The following ZFHX3 variants were observed in gnomAD, a reference collection of about 807,000 sequenced individuals.
ZFHX3 encodes the protein zinc finger homeobox 3.
In ZFHX3, 42 loss-of-function variants were observed where a neutral mutation model predicts 279.1. The observed-to-expected ratio is 0.15, with a 90% CI of 0.12 to 0.19. The LOEUF is 0.19. Among genes scored for constraint, ZFHX3 ranks in the 10% least tolerant of loss-of-function variants. The pLI is 1.00. For missense variants in ZFHX3, 4,981 were observed against 4,754.0 expected, an observed-to-expected ratio of 1.05 and a Z score of -1.40; for synonymous variants, 2,293 against 1,957.8, an observed-to-expected ratio of 1.17 and a Z score of -4.52.
At chr16:73,531,272 C>A (rs947317206) in intron 2 of ZFHX3, among the ~76,000 whole-genome samples, 1 of 152,214 alleles carries the variant, frequency 6.6e-6, no homozygotes, top group African/African-American at 2.4e-5. Flanking sequence ...TCTCTTCTAA[C>A]CTTTCAGGTC....
At chr16:73,234,806 G>A (rs941715025) in intron 5 of ZFHX3, among the ~76,000 whole-genome samples, 2 of 152,216 alleles carry the variant, frequency 1.3e-5, no homozygotes, top group African/African-American at 4.8e-5. Flanking sequence ...GGTAGGAAGT[G>A]TCTTCTGGAC....
In ZFHX3 at chr16:72,945,406, C is replaced by G. The variant is rs1462373172; in HGVS notation, c.3216+5063G>C. Among the ~76,000 whole-genome samples, 3 of 152,164 alleles carry G rather than the reference C, an allele frequency of 2.0e-5. No homozygotes were observed. In the East Asian group the frequency reaches 5.8e-4, roughly 29 times the overall value. ...GCCCAGGCTCTCAGTAAGAACCCAT[C>G]AGGCCCACGTGCAGCCTCCCAGCCC... On this transcript the variant is annotated intron_variant, in intron 3 of 9. Transcript: ENST00000268489.
intron 1 of ZFHX3, among the ~76,000 whole-genome samples, chr16:73,875,732 G>T (rs1057424401): frequency 1.3e-5 from 2 of 152,094 alleles, no homozygotes; most frequent in African/African-American, 4.8e-5. Flanking sequence ...AATAACAAAA[G>T]CATGATGAAC....
At chr16:73,642,424 T>C (rs562275303) in intron 2 of ZFHX3, among the ~76,000 whole-genome samples, 2 of 152,320 alleles carry the variant, frequency 1.3e-5, no homozygotes, top group East Asian at 3.9e-4. Flanking sequence ...CTCAGTGACC[T>C]CCATGGGGAA....
chr16:73,503,887 T>A (rs1436209604), intron 2 of ZFHX3, among the ~76,000 whole-genome samples: 2 of 152,296 alleles, frequency 1.3e-5, no homozygotes, highest in East Asian at 3.9e-4. Flanking sequence ...AGGTTTGTGC[T>A]CCTCTGAGGA....
intron 3 of ZFHX3, among the ~76,000 whole-genome samples, 170 bp downstream of exon 3, chr16:72,950,299 G>A (rs905280934): frequency 9.2e-5 from 14 of 152,044 alleles, no homozygotes; most frequent in Non-Finnish European, 1.6e-4. Context: ...GTTTCCACCT[G>A]GTGACAAAGT....
intron 2 of ZFHX3, among the ~76,000 whole-genome samples, chr16:72,955,368 G>A (rs925360424): frequency 2.6e-5 from 4 of 152,156 alleles, no homozygotes; most frequent in South Asian, 2.1e-4. Context: ...TGAATCTGCC[G>A]CAATGCCCAG....
chr16:73,684,695 C>CTTTTTTTTTTTTTTTTTTTTTTTTTT (rs201167110), intron 1 of ZFHX3, among the ~76,000 whole-genome samples: 1 of 137,498 alleles, frequency 7.3e-6, no homozygotes. Flanking sequence ...CACAAGGGTC[C>CTTTTTTTTTTTTTTTTTTTTTTTTTT]TTTTTTTTTT....
In ZFHX3 at chr16:72,793,109, G is replaced by A. The variant is rs942208813; in HGVS notation, c.9427+146C>T. 14 of 1,421,174 alleles carry A rather than the reference G, an allele frequency of 9.9e-6. No individual in the cohort carries two copies. The highest frequency in any genetic ancestry group is 5.7e-5 in the African/African-American group (4 of 69,920). The allele number at this position is 1,421,174 out of a possible 1,614,324, so 88.0% of individuals were successfully genotyped here. A position where few individuals can be genotyped will look rare whatever the true frequency, so the allele number is the denominator to read the frequency against. The stretch of plus-strand genomic sequence containing the variant: ...AGTACTTGGGAGACTCAACAGGAAC[G>A]AACTGAAGTCTTGTTGCTTTTAAAG... On this transcript the variant is annotated intron_variant, in intron 9 of 9. Transcript: ENST00000268489. The surrounding 1 kb of genome is among the most constrained non-coding windows in gnomAD (Gnocchi z 4.3).
intron 3 of ZFHX3, among the ~76,000 whole-genome samples, chr16:73,434,860 C>T (rs762607136): frequency 3.3e-5 from 5 of 152,166 alleles, no homozygotes; most frequent in Non-Finnish European, 5.9e-5. Context: ...TGACGCCGTC[C>T]AGTCAGTGGC....
chr16:72,956,826 A>C (rs1961270866), intron 2 of ZFHX3, among the ~76,000 whole-genome samples: 1 of 81,946 alleles, frequency 1.2e-5, no homozygotes, highest in Non-Finnish European at 2.5e-5. Flanking sequence ...CTCATCAAAA[A>C]TAAGCAAAAA....
intron 1 of ZFHX3, among the ~76,000 whole-genome samples, chr16:73,868,772 TTTC>T (rs2142398368): frequency 6.6e-6 from 1 of 151,090 alleles, no homozygotes; most frequent in South Asian, 2.1e-4. Context: ...TCTTTCTTTC[TTTC>T]TTTCTTTCTT....
At chr16:72,918,936 T>C (rs2039514290) in intron 3 of ZFHX3, among the ~76,000 whole-genome samples, 1 of 152,132 alleles carries the variant, frequency 6.6e-6, no homozygotes, top group Non-Finnish European at 1.5e-5. Flanking sequence ...GACCTCATGA[T>C]CTTCCTGCCT....
chr16:72,878,044 G>C (rs1191289465), intron 4 of ZFHX3, among the ~76,000 whole-genome samples: 1 of 151,820 alleles, frequency 6.6e-6, no homozygotes, highest in African/African-American at 2.4e-5. Context: ...GAAAAAACTA[G>C]CCAGGTGTGG....
At chr16:72,828,491 C>A (rs2143713545) in intron 5 of ZFHX3, among the ~76,000 whole-genome samples, 1 of 152,324 alleles carries the variant, frequency 6.6e-6, no homozygotes, top group Middle Eastern at 3.4e-3. Context: ...CACTTCCTGT[C>A]TTGGCTTCTT....
chr16:73,156,028 C>T (rs1426180640), intron 5 of ZFHX3, among the ~76,000 whole-genome samples: 3 of 151,408 alleles, frequency 2.0e-5, no homozygotes, highest in African/African-American at 2.4e-5. Context: ...GTCAGGAGAT[C>T]GAGATCATCC....
chr16:73,516,663 T>A (rs2019527683), intron 2 of ZFHX3, among the ~76,000 whole-genome samples: 1 of 152,140 alleles, frequency 6.6e-6, no homozygotes, highest in Non-Finnish European at 1.5e-5. Context: ...CATCCCTTTC[T>A]CCTCTAATCA....
At chr16:72,983,940 A>G (rs1437283670) in intron 1 of ZFHX3, among the ~76,000 whole-genome samples, 1 of 152,170 alleles carries the variant, frequency 6.6e-6, no homozygotes, top group Non-Finnish European at 1.5e-5. Context: ...CACCAGTTAT[A>G]GTCCAGAACC....
At chr16:72,854,859 G>A (rs1159603089) in intron 4 of ZFHX3, among the ~76,000 whole-genome samples, 1 of 136,128 alleles carries the variant, frequency 7.3e-6, no homozygotes, top group African/African-American at 2.7e-5. Context: ...CTCCCAATGC[G>A]GCTGGCATAA....
Sources: allele counts gnomAD v4.1 joint callset (sites outside exome capture counted in the v4.1 genomes callset), GRCh38; gene constraint gnomAD v4.1.1; non-coding constraint Gnocchi (gnomAD v3.1); transcripts MANE v1.5; gene names NCBI Gene and HGNC (gene_info 2026-07-23, HGNC 2026-07-21).